CLSTN2: variants seen among roughly 807,000 people sequenced by gnomAD.
The protein encoded by CLSTN2 is calsyntenin 2, also known as calsyntenin-2.
In CLSTN2, 48 loss-of-function variants were observed where a neutral mutation model predicts 101.2. The observed-to-expected ratio is 0.47, with a 90% CI of 0.38 to 0.60. The LOEUF (loss-of-function observed/expected upper bound fraction) is 0.60, where lower values mean the gene tolerates loss of function less well. Ranked by LOEUF, CLSTN2 falls within the 20% of genes least tolerant of loss-of-function variation. CLSTN2 has a pLI of 0.00. For synonymous variants in CLSTN2, 481 were observed against 463.6 expected, an observed-to-expected ratio of 1.04 and a Z score of -0.48; for missense variants, 1,160 against 1,238.2, an observed-to-expected ratio of 0.94 and a Z score of 0.95.
intron 1 of CLSTN2, among the ~76,000 whole-genome samples, chr3:140,010,616 T>C (rs2007052924): frequency 6.6e-6 from 1 of 152,212 alleles, no homozygotes; most frequent in Non-Finnish European, 1.5e-5. Context: ...AACCTCCTGC[T>C]GTGTCCAGGG....
intron 1 of CLSTN2, among the ~76,000 whole-genome samples, chr3:139,940,672 A>G (rs1397408573): frequency 6.6e-6 from 1 of 152,058 alleles, no homozygotes; most frequent in Non-Finnish European, 1.5e-5. Flanking sequence ...CTGTGTGTAA[A>G]TATCATATAT....
At chr3:140,442,780 C>A (rs530280863) in intron 5 of CLSTN2, among the ~76,000 whole-genome samples, 1 of 152,240 alleles carries the variant, frequency 6.6e-6, no homozygotes, top group South Asian at 2.1e-4. Context: ...CCTTACTGGC[C>A]CTGGGATTAA....
intron 1 of CLSTN2, among the ~76,000 whole-genome samples, chr3:139,962,623 T>A (rs891603748): frequency 6.6e-6 from 1 of 152,232 alleles, no homozygotes; most frequent in Non-Finnish European, 1.5e-5. Context: ...ACTGAAAAAA[T>A]AATGACAACA....
chr3:140,421,226 A>G lies in CLSTN2; in HGVS notation c.739A>G (p.Thr247Ala), dbSNP rs1270219038. The G allele has an allele frequency of 3.7e-6, 6 of 1,614,038 alleles. No homozygotes were observed. Among genetic ancestry groups the G allele is most frequent in the Admixed American group, 1.7e-5 (1 of 60,000 alleles). ...DCGQKPAAQD[T>A]LVQVDVKPVC... Reference sequence around the variant, plus strand: ...TGGACAGAAGCCCGCTGCTCAGGACACCCTGGTGCAGGTGGATGTGAAGCC... The same window carrying G: ...TGGACAGAAGCCCGCTGCTCAGGACGCCCTGGTGCAGGTGGATGTGAAGCC... The change falls in exon 5 of 17, where the codon ACC becomes GCC. Residue 247 changes from threonine (T) to alanine (A), a missense_variant. By Grantham distance (58) the Thr-to-Ala change is moderately conservative. Transcript: ENST00000458420.
chr3:140,131,627 G>A (rs1238032160), intron 1 of CLSTN2, among the ~76,000 whole-genome samples: 2 of 152,094 alleles, frequency 1.3e-5, no homozygotes, highest in Non-Finnish European at 2.9e-5. Flanking sequence ...CTTCTAGAGT[G>A]GTCTATAATT....
chr3:140,154,626 A>G (rs948677280), intron 1 of CLSTN2, among the ~76,000 whole-genome samples: 8 of 133,014 alleles, frequency 6.0e-5, no homozygotes, highest in East Asian at 4.7e-4. Context: ...AGAGAGAGAG[A>G]GGGGAAGTAT....
At chr3:140,112,455 G>A (rs891878682) in intron 1 of CLSTN2, among the ~76,000 whole-genome samples, 7 of 152,118 alleles carry the variant, frequency 4.6e-5, no homozygotes, top group Admixed American at 6.5e-5. Context: ...TAATAAGGCA[G>A]CTTATAATTC....
intron 4 of CLSTN2, among the ~76,000 whole-genome samples, chr3:140,413,531 A>G (rs529306866): frequency 2.6e-5 from 4 of 152,316 alleles, no homozygotes; most frequent in African/African-American, 7.2e-5. Context: ...AGGAGGGAAC[A>G]CTTTCAAACT....
intron 8 of CLSTN2, among the ~76,000 whole-genome samples, chr3:140,502,127 G>C (rs1934588935): frequency 6.6e-6 from 1 of 152,220 alleles, no homozygotes; most frequent in Non-Finnish European, 1.5e-5. Context: ...GCTTATGGTG[G>C]TGGTGGGTGA....
At chr3:140,516,334 A>G (rs1345626105) in intron 8 of CLSTN2, among the ~76,000 whole-genome samples, 1 of 152,158 alleles carries the variant, frequency 6.6e-6, no homozygotes, top group East Asian at 1.9e-4. Context: ...TTTACATTCA[A>G]TATCAATATT....
At chr3:139,969,355 C>G (rs1204937605) in intron 1 of CLSTN2, among the ~76,000 whole-genome samples, 1 of 152,168 alleles carries the variant, frequency 6.6e-6, no homozygotes, top group African/African-American at 2.4e-5. Flanking sequence ...AGGTTGCATC[C>G]TTCCCCTAGT....
At chr3:140,028,993 A>G (rs1335935189) in intron 1 of CLSTN2, among the ~76,000 whole-genome samples, 1 of 152,196 alleles carries the variant, frequency 6.6e-6, no homozygotes, top group Non-Finnish European at 1.5e-5. Flanking sequence ...TGAAGGTTTC[A>G]TGTTCCATTT....
intron 5 of CLSTN2, among the ~76,000 whole-genome samples, chr3:140,447,334 G>A (rs1051933829): frequency 5.9e-5 from 9 of 152,240 alleles, no homozygotes; most frequent in Admixed American, 6.5e-5. Flanking sequence ...CTGCACAGCC[G>A]TCTCAGACAT....
At chr3:140,222,368 C>CA (rs895154510) in intron 2 of CLSTN2, among the ~76,000 whole-genome samples, 17 of 151,620 alleles carry the variant, frequency 1.1e-4, no homozygotes, top group African/African-American at 3.9e-4. Flanking sequence ...TTAATTCGTA[C>CA]AAAAAGAAAA....
chr3:140,145,605 T>A (rs2009769753), intron 1 of CLSTN2, among the ~76,000 whole-genome samples: 1 of 152,230 alleles, frequency 6.6e-6, no homozygotes, highest in Non-Finnish European at 1.5e-5. Context: ...AAGCTTTGCT[T>A]TCTACTAGCC....
At chr3:140,096,421 A>C (rs1277565478) in intron 1 of CLSTN2, among the ~76,000 whole-genome samples, 1 of 152,214 alleles carries the variant, frequency 6.6e-6, no homozygotes, top group Admixed American at 6.5e-5. Flanking sequence ...CCAGAGGATA[A>C]ATGTCATCCT....
intron 2 of CLSTN2, among the ~76,000 whole-genome samples, chr3:140,362,921 G>T (rs1323158837): frequency 6.6e-6 from 1 of 152,022 alleles, no homozygotes; most frequent in Non-Finnish European, 1.5e-5. Context: ...AAACAGTTTG[G>T]CAGTTTCCTA....
At chr3:140,385,995 C>T (rs1299497153) in intron 2 of CLSTN2, among the ~76,000 whole-genome samples, 1 of 152,168 alleles carries the variant, frequency 6.6e-6, no homozygotes, top group Non-Finnish European at 1.5e-5. Context: ...GGGTCATTCC[C>T]TCCTATGAAG....
At chr3:139,985,185 T>G (rs1049499519) in intron 1 of CLSTN2, among the ~76,000 whole-genome samples, 1 of 152,182 alleles carries the variant, frequency 6.6e-6, no homozygotes, top group Non-Finnish European at 1.5e-5. Flanking sequence ...CAAATAAGAT[T>G]AGCTCACATT....
Sources: allele counts gnomAD v4.1 joint callset (sites outside exome capture counted in the v4.1 genomes callset), GRCh38; gene constraint gnomAD v4.1.1; transcripts MANE v1.5; gene names NCBI Gene and HGNC (gene_info 2026-07-23, HGNC 2026-07-21).